Variants in NLGN1 observed in about 807,000 individuals in gnomAD.
NLGN1 encodes the protein neuroligin-1.
NLGN1 carries 12 observed loss-of-function variants against 65.5 expected under a neutral mutation model. The observed-to-expected ratio is 0.18, with a 90% CI of 0.12 to 0.30. The LOEUF (loss-of-function observed/expected upper bound fraction) is 0.30. Among genes scored for constraint, NLGN1 ranks in the 10% least tolerant of loss-of-function variants. The pLI is 1.00. For missense variants in NLGN1, 750 were observed against 1,007.1 expected (o/e 0.74, Z 3.46); for synonymous variants, 350 against 359.5 (o/e 0.97, Z 0.30).
intron 4 of NLGN1, among the ~76,000 whole-genome samples, chr3:173,870,167 A>G (rs1366623282): frequency 6.6e-6 from 1 of 152,212 alleles, no homozygotes; most frequent in African/African-American, 2.4e-5. Flanking sequence ...CATGTAATGA[A>G]TATACATGTT....
chr3:173,856,789 C>G (rs1461187999), intron 4 of NLGN1, among the ~76,000 whole-genome samples: 2 of 151,938 alleles, frequency 1.3e-5, no homozygotes, highest in Admixed American at 1.3e-4. Flanking sequence ...GTGAACAGCA[C>G]AAGGCTTAAA....
rs1726862975 is a variant in NLGN1 at position 174,163,118 on chromosome 3, T to C, written c.647-112197T>C. On this transcript the variant is annotated intron_variant, in intron 4 of 6. Transcript: ENST00000457714. ...TAATAAGTACTGTTTATATTAAGGT[T>C]ATTATTAACTACAGGATACCACTGT... Among the ~76,000 whole-genome samples, 3 of 152,124 alleles carry C rather than the reference T, an allele frequency of 2.0e-5. No homozygotes were observed. In the South Asian group the frequency reaches 6.2e-4, roughly 32 times the overall value.
intron 3 of NLGN1, among the ~76,000 whole-genome samples, chr3:173,627,058 T>C (rs766460699): frequency 1.6e-4 from 24 of 152,112 alleles, no homozygotes; most frequent in Non-Finnish European, 2.8e-4. Flanking sequence ...TCAAAAGTGA[T>C]ATAATTTTTC....
intron 4 of NLGN1, among the ~76,000 whole-genome samples, chr3:173,826,647 T>C (rs1205877775): frequency 3.3e-5 from 5 of 152,096 alleles, no homozygotes; most frequent in African/African-American, 1.2e-4. Flanking sequence ...ATTCATTCGG[T>C]TGAAAAACAA....
At chr3:173,807,422 T>A (rs909007189) in intron 3 of NLGN1, among the ~76,000 whole-genome samples, 1 of 152,152 alleles carries the variant, frequency 6.6e-6, no homozygotes, top group Non-Finnish European at 1.5e-5. Flanking sequence ...AAAATTCACA[T>A]CTAATTTTAA....
At chr3:173,843,858 T>G (rs1038236601) in intron 4 of NLGN1, among the ~76,000 whole-genome samples, 4 of 152,196 alleles carry the variant, frequency 2.6e-5, no homozygotes, top group Admixed American at 6.5e-5. Context: ...TTTGGGTATC[T>G]TCTCAGCAAC....
chr3:174,103,829 G>A (rs1713119085), intron 4 of NLGN1, among the ~76,000 whole-genome samples: 1 of 151,708 alleles, frequency 6.6e-6, no homozygotes, highest in Admixed American at 6.6e-5. Flanking sequence ...ACTTTTTTTA[G>A]GAAAATGGCC....
At chr3:174,040,231 T>C (rs932602137) in intron 4 of NLGN1, among the ~76,000 whole-genome samples, 2 of 152,070 alleles carry the variant, frequency 1.3e-5, no homozygotes, top group Non-Finnish European at 2.9e-5. Flanking sequence ...GCTCACCACA[T>C]GTCTTCTGAT....
chr3:173,989,880 C>G (rs1431452413), intron 4 of NLGN1, among the ~76,000 whole-genome samples: 1 of 152,160 alleles, frequency 6.6e-6, no homozygotes, highest in African/African-American at 2.4e-5. Context: ...TCTCAGAGCA[C>G]TCTCTTATCA....
intron 4 of NLGN1, among the ~76,000 whole-genome samples, chr3:173,833,749 C>T (rs539753523): frequency 6.6e-6 from 1 of 152,166 alleles, no homozygotes; most frequent in East Asian, 1.9e-4. Context: ...AACTTCCGGG[C>T]CTCAGCCTCC....
intron 2 of NLGN1, among the ~76,000 whole-genome samples, chr3:173,520,274 A>T (rs1414556971): frequency 2.6e-5 from 4 of 152,222 alleles, no homozygotes; most frequent in Non-Finnish European, 5.9e-5. Context: ...GCAAGAATGG[A>T]TTAATACAGT....
At chr3:173,600,192 CATGTGTGT>C (rs71912162) in intron 2 of NLGN1, among the ~76,000 whole-genome samples, 6,984 of 24,460 alleles carry the variant, frequency 0.29, 182 homozygotes, top group Middle Eastern at 0.35. Context: ...CATGTGTGTA[CATGTGTGT>C]ACACACACAC....
rs1361385633 is a variant in NLGN1 at position 173,842,479 on chromosome 3, C to G, written c.646+34647C>G. ...CCTTCTGCCTATGAGCCTGTAAAAT[C>G]AAAACCAAGTTAGTTACTTCCTAGA... is the stretch of plus-strand genomic sequence containing the variant. On this transcript the variant is annotated intron_variant, in intron 4 of 6. Transcript: ENST00000457714. Among the ~76,000 whole-genome samples, 5 of 152,176 alleles carry G rather than the reference C, an allele frequency of 3.3e-5. No homozygotes were observed. In the East Asian group the frequency reaches 9.6e-4, roughly 29 times the overall value.
chr3:173,463,600 T>A (rs914592391), intron 2 of NLGN1, among the ~76,000 whole-genome samples: 31 of 152,224 alleles, frequency 2.0e-4, no homozygotes. Flanking sequence ...TCCAAGAAGA[T>A]GTCTTGGCTA....
At chr3:173,918,686 GTGTGTGTGTGTGTGTGTA>G (rs1361323311) in intron 4 of NLGN1, among the ~76,000 whole-genome samples, 8 of 134,764 alleles carry the variant, frequency 5.9e-5, no homozygotes, top group African/African-American at 1.7e-4. Context: ...GTGTGTGTGT[GTGTGTGTGTGTGTGTGTA>G]TATATATATA....
chr3:173,628,755 G>A (rs1755191710), intron 3 of NLGN1, among the ~76,000 whole-genome samples: 1 of 151,886 alleles, frequency 6.6e-6, no homozygotes, highest in East Asian at 1.9e-4. Flanking sequence ...GTGCGGTGGC[G>A]TGATCTCAGC....
At chr3:173,682,588 CAAAAAAAAAAAAAA>C (rs755337219) in intron 3 of NLGN1, among the ~76,000 whole-genome samples, 1 of 41,402 alleles carries the variant, frequency 2.4e-5, no homozygotes, top group Non-Finnish European at 4.2e-5. Flanking sequence ...GACACTGTCT[CAAAAAAAAAAAAAA>C]AAAAAAAAAA....
intron 4 of NLGN1, among the ~76,000 whole-genome samples, chr3:173,992,563 G>T (rs902973762): frequency 2.6e-5 from 4 of 152,114 alleles, no homozygotes; most frequent in Admixed American, 2.6e-4. Flanking sequence ...AATGTCCCAT[G>T]AAAGAATTAT....
intron 4 of NLGN1, among the ~76,000 whole-genome samples, chr3:174,103,426 C>G (rs1713000799): frequency 6.6e-6 from 1 of 152,056 alleles, no homozygotes; most frequent in African/African-American, 2.4e-5. Flanking sequence ...TAAAAATACT[C>G]TAATAGGAAA....
Sources: allele counts gnomAD v4.1 joint callset (sites outside exome capture counted in the v4.1 genomes callset), GRCh38; gene constraint gnomAD v4.1.1; transcripts MANE v1.5; gene names NCBI Gene and HGNC (gene_info 2026-07-23, HGNC 2026-07-21).